Variants in OXSR1 observed in about 807,000 individuals in gnomAD.
OXSR1 encodes the protein serine/threonine-protein kinase OSR1.
OXSR1 carries 24 observed loss-of-function variants against 79.8 expected under a neutral mutation model. The ratio of observed to expected loss-of-function variants is 0.30; its 90% confidence interval spans 0.22 to 0.42. The LOEUF is 0.42. Among genes scored for constraint, OXSR1 ranks in the 10% least tolerant of loss-of-function variants. The pLI, the probability that OXSR1 is intolerant of heterozygous loss-of-function variation, is 1.00. For synonymous variants in OXSR1, 226 were observed against 209.2 expected, an observed-to-expected ratio of 1.08 and a Z score of -0.69; for missense variants, 430 against 618.4, an observed-to-expected ratio of 0.70 and a Z score of 3.23.
intron 8 of OXSR1, among the ~76,000 whole-genome samples, chr3:38,227,597 A>G (rs923948193): frequency 4.6e-5 from 7 of 151,952 alleles, no homozygotes; most frequent in African/African-American, 1.2e-4. Context: ...AAATGTACGT[A>G]TACATATACA....
chr3:38,230,317 G>T lies in OXSR1; in HGVS notation c.886-48G>T, dbSNP rs780644383. 3.9e-5 allele frequency: 46 copies of T among 1,187,752 alleles called. No individual in the cohort carries two copies. In the African/African-American group the frequency reaches 6.0e-4, roughly 16 times the overall value. 73.6% of individuals were successfully genotyped at this position (1,187,752 alleles called of 1,614,324 possible). A position where few individuals can be genotyped will look rare whatever the true frequency, so the allele number is the denominator to read the frequency against. ...GTGAACTTTTTTGTGGGTTTTTTTTGGTACCTTAAAAACTTGTAAGAACAA... is the reference window on the plus strand; with the variant it reads ...GTGAACTTTTTTGTGGGTTTTTTTTTGTACCTTAAAAACTTGTAAGAACAA... On this transcript the variant is annotated intron_variant, in intron 9 of 17. Transcript: ENST00000311806.
At position 38,253,230 on chromosome 3, in the gene OXSR1, A is replaced by C. The variant is rs1198659644; in HGVS notation, c.*339A>C. The C allele has an allele frequency of 3.7e-6, 1 of 269,624 alleles. No individual in the cohort carries two copies. The highest frequency in any genetic ancestry group is 7.1e-6 in the Non-Finnish European group (1 of 141,246). 16.7% of individuals were successfully genotyped at this position (269,624 alleles called of 1,614,324 possible). A position where few individuals can be genotyped will look rare whatever the true frequency, so the allele number is the denominator to read the frequency against. ...TACTCCAATGATGGCCCAGGTGGAA[A>C]AGTAGCAGCTGTATCGGGCTTCCTC... On this transcript the variant is annotated 3_prime_UTR_variant, in exon 18 of 18. Transcript: ENST00000311806.
chr3:38,199,695 C>T (rs1702128437), intron 4 of OXSR1, among the ~76,000 whole-genome samples: 1 of 152,180 alleles, frequency 6.6e-6, no homozygotes, highest in Non-Finnish European at 1.5e-5. Flanking sequence ...CCTTGCAGTG[C>T]TTTTCTAGTC....
chr3:38,235,152 T>C (rs984938199), intron 10 of OXSR1, among the ~76,000 whole-genome samples: 3 of 152,210 alleles, frequency 2.0e-5, no homozygotes, highest in African/African-American at 7.2e-5. Flanking sequence ...AAAAATGTTC[T>C]AAATTTGATG....
At chr3:38,248,179 G>C (rs923398658) in intron 14 of OXSR1, among the ~76,000 whole-genome samples, 1 of 151,938 alleles carries the variant, frequency 6.6e-6, no homozygotes, top group Non-Finnish European at 1.5e-5. Context: ...TTTTTAGAAG[G>C]TTAAAAGGAA....
At chr3:38,221,809 T>C in intron 6 of OXSR1, 122 bp downstream of exon 6, 1 of 559,458 alleles carries the variant, frequency 1.8e-6, no homozygotes, top group Non-Finnish European at 3.2e-6. Context: ...TCCCTGTTCC[T>C]TGGTTAGGAT....
At chr3:38,244,666 T>TGTGTGTGTGTGTGTGC (rs748851263) in intron 12 of OXSR1, among the ~76,000 whole-genome samples, 9,306 of 143,776 alleles carry the variant, frequency 0.065, 382 homozygotes, top group South Asian at 0.18. Context: ...TGTGTGTGTG[T>TGTGTGTGTGTGTGTGC]GCGTGCGCAT....
rs546346606 is a variant in OXSR1, at chr3:38,215,481, A to G, written c.435-615A>G. 4.4e-4 allele frequency among the ~76,000 whole-genome samples: 67 copies of G among 152,266 alleles called. 1 individual carries two copies. In the South Asian group the frequency reaches 0.013, roughly 29 times the overall value. ...TGTAGATTTGAATGGATAGTATAATATTGTTTACATTGGGAGAAAAGCCCA... is the reference window on the plus strand; with the variant it reads ...TGTAGATTTGAATGGATAGTATAATGTTGTTTACATTGGGAGAAAAGCCCA... On this transcript the variant is annotated intron_variant, in intron 4 of 17. Transcript: ENST00000311806.
chr3:38,165,267 T>C (rs920540837), upstream of OXSR1: 3 of 152,502 alleles, frequency 2.0e-5, no homozygotes, highest in African/African-American at 4.8e-5. Flanking sequence ...CCCTTCTACT[T>C]TGCTGCCCTT....
chr3:38,217,447 T>G (rs1375763061), intron 5 of OXSR1, among the ~76,000 whole-genome samples: 2 of 152,222 alleles, frequency 1.3e-5, no homozygotes, highest in African/African-American at 4.8e-5. Context: ...ATTACAAGTT[T>G]GAAATAATCC....
At chr3:38,204,070 TC>T (rs371780158) in intron 4 of OXSR1, among the ~76,000 whole-genome samples, 61 of 150,374 alleles carry the variant, frequency 4.1e-4, no homozygotes, top group African/African-American at 1.4e-3. Flanking sequence ...TTCCCACTCT[TC>T]CCCCCCCTTT....
intron 6 of OXSR1, among the ~76,000 whole-genome samples, chr3:38,222,462 G>C (rs1432345336): frequency 6.6e-6 from 1 of 152,108 alleles, no homozygotes; most frequent in Non-Finnish European, 1.5e-5. Context: ...GGATTGTTGG[G>C]CTAGGAGACA....
intron 1 of OXSR1, among the ~76,000 whole-genome samples, chr3:38,180,138 T>C (rs565546019): frequency 6.6e-6 from 1 of 152,234 alleles, no homozygotes; most frequent in Non-Finnish European, 1.5e-5. Flanking sequence ...GAGGCAGGGT[T>C]TCTCCATGTT....
intron 4 of OXSR1, among the ~76,000 whole-genome samples, chr3:38,201,024 G>A (rs531794826): frequency 3.6e-4 from 55 of 152,192 alleles, no homozygotes; most frequent in African/African-American, 1.3e-3. Flanking sequence ...AGATTTATAT[G>A]AAGCCATTGG....
At chr3:38,230,503 T>C in intron 10 of OXSR1, 73 bp downstream of exon 10, 1 of 961,412 alleles carries the variant, frequency 1.0e-6, no homozygotes, top group Non-Finnish European at 1.7e-6. Context: ...TGTTAAGTAA[T>C]ACATTGTTAA....
intron 4 of OXSR1, among the ~76,000 whole-genome samples, chr3:38,204,698 A>G (rs1236095596): frequency 1.3e-5 from 2 of 151,500 alleles, no homozygotes; most frequent in Non-Finnish European, 2.9e-5. Context: ...TTGCAAAACA[A>G]AGTCCTCTAC....
intron 10 of OXSR1, 154 bp from the exon 11 acceptor site, chr3:38,236,685 A>G (rs1450605955): frequency 3.5e-6 from 2 of 579,174 alleles, no homozygotes; most frequent in Non-Finnish European, 5.8e-6. Context: ...AGAGCAGGTG[A>G]TGGTTGGAGG....
At chr3:38,244,673 G>GCA (rs1559528115) in intron 12 of OXSR1, among the ~76,000 whole-genome samples, 2 of 151,906 alleles carry the variant, frequency 1.3e-5, no homozygotes, top group African/African-American at 4.8e-5. Context: ...GTGTGCGTGC[G>GCA]CATGTACCAC....
At chr3:38,210,263 T>C (rs770611933) in intron 4 of OXSR1, among the ~76,000 whole-genome samples, 9 of 152,152 alleles carry the variant, frequency 5.9e-5, no homozygotes, top group Non-Finnish European at 1.2e-4. Context: ...GCACAAGTGC[T>C]TCTCAGTTCC....
Sources: gnomAD v4.1 joint callset for allele counts (sites outside exome capture counted in the v4.1 genomes callset) on GRCh38, gnomAD v4.1.1 for gene constraint, MANE v1.5 for transcripts, NCBI Gene and HGNC (gene_info 2026-07-23, HGNC 2026-07-21) for gene names.